The following ANK3 variants were observed in gnomAD, a reference collection of about 807,000 sequenced individuals.
ANK3 encodes ankyrin 3, also known as ankyrin-3.
Under a neutral mutation model 370.9 loss-of-function variants are expected in ANK3, and 57 were observed. That is an observed-to-expected ratio of 0.15 (90% CI 0.12 to 0.19). ANK3 has a LOEUF of 0.19. Among genes scored for constraint, ANK3 ranks in the 10% least tolerant of loss-of-function variants. ANK3 has a pLI of 1.00. For synonymous variants in ANK3, 1,929 were observed against 1,946.3 expected (o/e 0.99, Z 0.23); for missense variants, 4,439 against 5,302.1 (o/e 0.84, Z 5.06).
At chr10:60,640,049 A>C (rs575006912) in intron 1 of ANK3, among the ~76,000 whole-genome samples, 167 of 152,274 alleles carry the variant, frequency 1.1e-3, no homozygotes, top group African/African-American at 3.8e-3. Flanking sequence ...GACAAAAAAA[A>C]GCCAAAAAGG....
At chr10:60,147,443 T>C (rs1283976479) in intron 23 of ANK3, among the ~76,000 whole-genome samples, 1 of 152,236 alleles carries the variant, frequency 6.6e-6, no homozygotes, top group Non-Finnish European at 1.5e-5. Context: ...CATCATATGC[T>C]GGCCATGGTT....
chr10:60,697,343 A>C (rs2079474708), intron 1 of ANK3, among the ~76,000 whole-genome samples: 2 of 151,962 alleles, frequency 1.3e-5, no homozygotes, highest in Admixed American at 6.6e-5. Context: ...GTAATTTACA[A>C]ATTCAATGCC....
intron 1 of ANK3, among the ~76,000 whole-genome samples, chr10:60,667,276 G>A (rs2079010428): frequency 1.3e-5 from 2 of 149,732 alleles, no homozygotes; most frequent in Non-Finnish European, 3.0e-5. Flanking sequence ...GATAAGCCAG[G>A]TTTTAGAGAT....
In ANK3 at chr10:60,697,326, G is replaced by A. The variant is rs1468758184; in HGVS notation, c.57+35937C>T. ...TCAATATCGTGAAAATGGCCATACT[G>A]CCCAAGGTAATTTACAAATTCAATG... On this transcript the variant is annotated intron_variant, in intron 1 of 43. Transcript: ENST00000373827. Among the ~76,000 whole-genome samples, 10 of 152,020 alleles carry A rather than the reference G, an allele frequency of 6.6e-5. No homozygotes were observed. In the East Asian group the frequency reaches 1.9e-3, roughly 29 times the overall value.
At chr10:60,475,153 C>T (rs1186470502) in intron 2 of ANK3, among the ~76,000 whole-genome samples, 1 of 152,108 alleles carries the variant, frequency 6.6e-6, no homozygotes, top group African/African-American at 2.4e-5. Context: ...GACTAACACA[C>T]ATATGCCACT....
chr10:60,725,975 CT>C (rs1353622502), intron 1 of ANK3, among the ~76,000 whole-genome samples: 1 of 152,004 alleles, frequency 6.6e-6, no homozygotes, highest in Admixed American at 6.6e-5. Context: ...TCTACTAGTC[CT>C]AAAATATAAA....
At chr10:60,687,934 T>A (rs974154970) in intron 1 of ANK3, among the ~76,000 whole-genome samples, 1 of 152,176 alleles carries the variant, frequency 6.6e-6, no homozygotes, top group African/African-American at 2.4e-5. Flanking sequence ...TGGAGGATAT[T>A]ATGCTAAGTG....
At chr10:60,272,340 A>C (rs989439071) in intron 4 of ANK3, among the ~76,000 whole-genome samples, 5 of 152,190 alleles carry the variant, frequency 3.3e-5, no homozygotes, top group Admixed American at 2.0e-4. Context: ...GGCCAAAACC[A>C]GTATGGCTTT....
intron 1 of ANK3, among the ~76,000 whole-genome samples, chr10:60,712,725 A>G (rs10821828): frequency 0.19 from 28,738 of 152,106 alleles, 2,847 homozygotes; most frequent in Middle Eastern, 0.27. Context: ...ACCCACTTTA[A>G]ATATAAAGAA....
At chr10:60,090,327 A>G (rs2087942750) in intron 28 of ANK3, among the ~76,000 whole-genome samples, 1 of 152,158 alleles carries the variant, frequency 6.6e-6, no homozygotes, top group Admixed American at 6.5e-5. Context: ...CAAAAAAAAA[A>G]TTAAAATCTT....
chr10:60,277,393 T>A (rs2098107044), intron 4 of ANK3, among the ~76,000 whole-genome samples: 1 of 152,206 alleles, frequency 6.6e-6, no homozygotes, highest in Admixed American at 6.5e-5. Context: ...CTTATATGAT[T>A]TAATAAAATG....
chr10:60,703,569 T>C (rs1327574760), intron 1 of ANK3, among the ~76,000 whole-genome samples: 1 of 152,214 alleles, frequency 6.6e-6, no homozygotes, highest in Non-Finnish European at 1.5e-5. Context: ...TTTTGATGAC[T>C]ATTTCCTGGA....
chr10:60,281,311 C>T (rs2098159324), intron 1 of ANK3, among the ~76,000 whole-genome samples: 1 of 152,194 alleles, frequency 6.6e-6, no homozygotes, highest in Non-Finnish European at 1.5e-5. Context: ...CTGTCCTGCT[C>T]ATTGTCCAAT....
chr10:60,224,642 CTCTT>C (rs1478074176), intron 8 of ANK3, among the ~76,000 whole-genome samples: 1 of 152,072 alleles, frequency 6.6e-6, no homozygotes, highest in Non-Finnish European at 1.5e-5. Flanking sequence ...CTTTAGGATA[CTCTT>C]TCTTTTCTTT....
chr10:60,266,873 T>C lies in ANK3; in HGVS notation c.514-2853A>G, dbSNP rs117795975. Among the ~76,000 whole-genome samples, 738 of 152,318 alleles carry C rather than the reference T, an allele frequency of 4.8e-3. 5 individuals are homozygous for C. Among genetic ancestry groups the C allele is most frequent in the Non-Finnish European group, 7.3e-3 (495 of 68,018 alleles). On this transcript the variant is annotated intron_variant, in intron 5 of 43. Coordinates refer to ENST00000280772, the MANE Select transcript of ANK3 (RefSeq NM_020987.5). ...CCCCTGGTTGCTCAAGGATATCCAG[T>C]ACCTTATGAAGTGTCTGAAACATAA...
chr10:60,466,086 T>G (rs2065006499), intron 2 of ANK3, among the ~76,000 whole-genome samples: 1 of 152,184 alleles, frequency 6.6e-6, no homozygotes. Flanking sequence ...TCGTTTCTCT[T>G]GAACACTTCT....
chr10:60,677,448 T>C (rs147820531), intron 1 of ANK3, among the ~76,000 whole-genome samples: 6 of 152,144 alleles, frequency 3.9e-5, no homozygotes, highest in African/African-American at 1.4e-4. Context: ...GTTTAACATA[T>C]GTCAAAAGAA....
chr10:60,216,278 C>T (rs71495627), intron 8 of ANK3, among the ~76,000 whole-genome samples: 14,432 of 152,210 alleles, frequency 0.095, 921 homozygotes, highest in Non-Finnish European at 0.14. Flanking sequence ...ACTGATTGCT[C>T]TGGTCTGAAC....
chr10:60,416,789 T>C (rs1426004826), intron 2 of ANK3, among the ~76,000 whole-genome samples: 1 of 152,202 alleles, frequency 6.6e-6, no homozygotes, highest in Non-Finnish European at 1.5e-5. Context: ...TTATCACCAC[T>C]CAGACTTTTA....
Sources: allele counts gnomAD v4.1 joint callset (sites outside exome capture counted in the v4.1 genomes callset), GRCh38; gene constraint gnomAD v4.1.1; transcripts MANE v1.5; gene names NCBI Gene and HGNC (gene_info 2026-07-23, HGNC 2026-07-21).